Variants in FAM131B observed in about 807,000 individuals in gnomAD.
FAM131B encodes the protein protein FAM131B.
A neutral mutation model predicts 42.0 loss-of-function variants in FAM131B; 19 were observed. The ratio of observed to expected loss-of-function variants is 0.45; its 90% CI spans 0.32 to 0.66. FAM131B has a LOEUF of 0.66. Ranked by LOEUF, FAM131B falls within the 30% of genes least tolerant of loss-of-function variation. The probability of loss-of-function intolerance (pLI) is 0.05; values close to 1 mark genes in which losing one functional copy is unlikely to be tolerated. For missense variants in FAM131B, 370 were observed against 468.4 expected, an observed-to-expected ratio of 0.79 and a Z score of 1.94; for synonymous variants, 183 against 177.6, an observed-to-expected ratio of 1.03 and a Z score of -0.24.
intron 1 of FAM131B, chr7:143,360,400 CAG>C (rs1410067717): frequency 7.4e-7 from 1 of 1,354,198 alleles, no homozygotes; most frequent in East Asian, 3.0e-5. Flanking sequence ...GTGGAGGGGT[CAG>C]AGGTTGGGTT....
Position 143,360,059 on chromosome 7 carries a change from AG to A in FAM131B, c.118del (p.Leu40SerfsTer56). 6.2e-7 allele frequency: 1 copy of A among 1,613,600 alleles called. No homozygotes were observed. The highest frequency in any genetic ancestry group is 8.5e-7 in the Non-Finnish European group (1 of 1,179,652). On this transcript the variant is annotated frameshift_variant, in exon 2 of 7. Transcript: ENST00000443739. LOFTEE classifies it high-confidence loss of function. ...TCTCACCTCAGTCGATGGCCGATGGAGGCTGCTCCCGTGCAGTGAGCTGGTG... is the reference window on the plus strand; with the variant it reads ...TCTCACCTCAGTCGATGGCCGATGGAGCTGCTCCCGTGCAGTGAGCTGGTG... ...DSTSSLHGSS[L>X]HRPSTEQTRT...
rs1412873786 is a variant in FAM131B, at chr7:143,358,963, C to T, written c.330G>A (p.Val110=). The change falls in exon 5 of 7, where the codon GTG becomes GTA. Residue 110 remains valine (V), a synonymous_variant. Coordinates refer to ENST00000443739, the MANE Select transcript of FAM131B (RefSeq NM_001031690.3). This position sits in a 1 kb window ranked among gnomAD's most constrained non-coding sequence, Gnocchi z 4.7. The part of the protein sequence containing the change: ...TKPTAMGQGR[V]AHMIEWQGWG... ...AGCCCTGCCACTCAATCATGTGGGC[C>T]ACCCGGCCTTGCCCCATGGCTGTGG... 3.1e-6 allele frequency: 5 copies of T among 1,614,124 alleles called. No individual in the cohort carries two copies. The highest frequency in any genetic ancestry group is 4.2e-6 in the Non-Finnish European group (5 of 1,180,032).
At chr7:143,365,386 GAGAT>G (rs1478604076), upstream of FAM131B, among the ~76,000 whole-genome samples, 2 of 152,138 alleles carry the variant, frequency 1.3e-5, no homozygotes, top group Non-Finnish European at 2.9e-5. Context: ...CAGAATGAGA[GAGAT>G]AGAGAAAAAA....
the FAM131B span, chr7:143,382,219 G>A: frequency 1.2e-5 from 19 of 1,599,818 alleles, no homozygotes; most frequent in Non-Finnish European, 1.5e-5. Flanking sequence ...GAGGGACCCC[G>A]GCCGACGTCT....
chr7:143,381,316 C>T, the FAM131B span: 3 of 1,120,700 alleles, frequency 2.7e-6, no homozygotes, highest in Non-Finnish European at 3.3e-6. Flanking sequence ...TCCCTCCCCG[C>T]CCGGCTGGAG....
chr7:143,358,769 AG>A lies in FAM131B; in HGVS notation c.466+57del. On this transcript the variant is annotated intron_variant, in intron 5 of 6. Transcript: ENST00000443739. The surrounding 1 kb of genome is among the most constrained non-coding windows in gnomAD (Gnocchi z 4.7). ...ATCCTGCCACAGGGGATCAGGTTGG[AG>A]GGTCGGTCCCTGGCCATCCTGCAAA... is the stretch of plus-strand genomic sequence containing the variant. The A allele has an allele frequency of 7.2e-7, 1 of 1,396,624 alleles. No individual in the cohort carries two copies. The highest frequency in any genetic ancestry group is 1.0e-6 in the Non-Finnish European group (1 of 993,900). 86.5% of individuals were successfully genotyped at this position (1,396,624 alleles called of 1,614,324 possible).
upstream of FAM131B, among the ~76,000 whole-genome samples, chr7:143,365,737 A>G (rs1804165457): frequency 6.6e-6 from 1 of 152,090 alleles, no homozygotes; most frequent in Non-Finnish European, 1.5e-5. Context: ...AGCAGATGGA[A>G]CTACAGACAT....
chr7:143,368,690 T>A, the FAM131B span, among the ~76,000 whole-genome samples: 1 of 152,214 alleles, frequency 6.6e-6, no homozygotes, highest in East Asian at 1.9e-4. Context: ...GTCAGACTTC[T>A]CTATCACCAG....
At position 143,362,460 on chromosome 7, in the gene FAM131B, C is replaced by T; in HGVS notation, c.28+116G>A. The T allele has an allele frequency of 2.6e-6, 1 of 386,744 alleles. No individual in the cohort carries two copies. Among genetic ancestry groups the T allele is most frequent in the Non-Finnish European group, 4.4e-6 (1 of 224,822 alleles). The allele number at this position is 386,744 out of a possible 1,614,324, so 24.0% of individuals were successfully genotyped here. A position where few individuals can be genotyped will look rare whatever the true frequency, so the allele number is the denominator to read the frequency against. On this transcript the variant is annotated intron_variant, in intron 1 of 6. Coordinates refer to ENST00000443739, the MANE Select transcript of FAM131B (RefSeq NM_001031690.3). This position sits in a 1 kb window ranked among gnomAD's most constrained non-coding sequence, Gnocchi z 7.7. Reference sequence around the variant, plus strand: ...GACGGAAGGAAAGTGAAGGAGCTAGCAGGGCAAGGCGGGTGCGGAGCGGGG... The same window carrying T: ...GACGGAAGGAAAGTGAAGGAGCTAGTAGGGCAAGGCGGGTGCGGAGCGGGG...
chr7:143,380,321 G>T, the FAM131B span: 1 of 984,972 alleles, frequency 1.0e-6, no homozygotes, highest in South Asian at 4.7e-5. This position sits in a 1 kb window ranked among gnomAD's most constrained non-coding sequence, Gnocchi z 5.0. Context: ...GAGAAATCCA[G>T]TCTGGCCAGT....
chr7:143,373,091 T>A, the FAM131B span, among the ~76,000 whole-genome samples: 1 of 152,186 alleles, frequency 6.6e-6, no homozygotes, highest in South Asian at 2.1e-4. Context: ...ATTCATTTAT[T>A]TTTACTCTTG....
At chr7:143,381,307 C>T in the FAM131B span, 7 of 1,107,472 alleles carry the variant, frequency 6.3e-6, no homozygotes, top group Non-Finnish European at 6.6e-6. Flanking sequence ...TTCCGTGTGT[C>T]CCTCCCCGCC....
rs1339750815 is a variant in FAM131B at position 143,362,369 on chromosome 7, G to T, written c.28+207C>A. On this transcript the variant is annotated intron_variant, in intron 1 of 6. Transcript: ENST00000443739. The surrounding 1 kb of genome is among the most constrained non-coding windows in gnomAD (Gnocchi z 7.7). ...ACGGGGAGAAGGAAGCGAGCCGAGC[G>T]GGATGGCAGCCCCGGAGGCGCAAGA... is the stretch of plus-strand genomic sequence containing the variant. Among the ~76,000 whole-genome samples, 1 of 152,140 alleles carries T rather than the reference G, an allele frequency of 6.6e-6. No individual in the cohort carries two copies. Among genetic ancestry groups the T allele is most frequent in the Non-Finnish European group, 1.5e-5 (1 of 68,018 alleles).
At chr7:143,365,501 C>T (rs1341621759), upstream of FAM131B, among the ~76,000 whole-genome samples, 2 of 152,186 alleles carry the variant, frequency 1.3e-5, no homozygotes, top group Non-Finnish European at 2.9e-5. Flanking sequence ...ATTCTTCTTG[C>T]ATTGCAGTTG....
At position 143,356,493 on chromosome 7, in the gene FAM131B, TGGGTCACAGCCATGGCCCTCA is replaced by T. The variant is rs1803658562; in HGVS notation, c.*36_*56del. 11 of 1,306,512 alleles carry T rather than the reference TGGGTCACAGCCATGGCCCTCA, an allele frequency of 8.4e-6. No individual in the cohort carries two copies. The highest frequency in any genetic ancestry group is 1.2e-5 in the Non-Finnish European group (11 of 914,710). The allele number at this position is 1,306,512 out of a possible 1,614,324, so 80.9% of individuals were successfully genotyped here. On this transcript the variant is annotated 3_prime_UTR_variant, in exon 7 of 7. Coordinates refer to ENST00000443739, the MANE Select transcript of FAM131B (RefSeq NM_001031690.3). The surrounding 1 kb of genome is among the most constrained non-coding windows in gnomAD (Gnocchi z 4.4). Reference sequence around the variant, plus strand: ...TGTACTGCTGGGGGGAGGGAGGGTATGGGTCACAGCCATGGCCCTCAGGTGGGAGTGGAAGGCAGGGCATTG... The same window carrying T: ...TGTACTGCTGGGGGGAGGGAGGGTATGGTGGGAGTGGAAGGCAGGGCATTG...
At chr7:143,372,062 T>A in the FAM131B span, among the ~76,000 whole-genome samples, 1 of 152,026 alleles carries the variant, frequency 6.6e-6, no homozygotes, top group African/African-American at 2.4e-5. Flanking sequence ...GAGGAGAAGG[T>A]CTAGAAGCCT....
Position 143,358,880 on chromosome 7 carries a change from G to C in FAM131B, c.413C>G (p.Thr138Arg), listed in dbSNP as rs767327628. Reference sequence around the variant, plus strand: ...ATCGCTGAGGTCGGAGTAGGCATCCGTATCCCTGCGCACGGACTCATGGCT... The same window carrying C: ...ATCGCTGAGGTCGGAGTAGGCATCCCTATCCCTGCGCACGGACTCATGGCT... ...QHSHESVRRD[T>R]DAYSDLSDGE... The change falls in exon 5 of 7, where the codon ACG (threonine) becomes AGG (arginine). Residue 138 changes from threonine (T) to arginine (R), a missense_variant. Physicochemically the swap from Thr to Arg is moderately conservative, Grantham distance 71. Transcript: ENST00000443739. The surrounding 1 kb of genome is among the most constrained non-coding windows in gnomAD (Gnocchi z 4.7). 5 of 1,613,940 alleles carry C rather than the reference G, an allele frequency of 3.1e-6. No individual in the cohort carries two copies. In the African/African-American group the frequency reaches 4.0e-5, roughly 13 times the overall value.
rs756420315 is a variant in FAM131B at position 143,359,422 on chromosome 7, G to T, written c.175-3C>A. 6.2e-7 allele frequency: 1 copy of T among 1,610,958 alleles called. No individual in the cohort carries two copies. The highest frequency in any genetic ancestry group is 8.5e-7 in the Non-Finnish European group (1 of 1,177,548). ...GAAGTGGTGTCCTCCATGGAGAGCT[G>T]GGATGGGAATGTGGGAGGAAGGGCA... On this transcript the variant is annotated splice_polypyrimidine_tract_variant and splice_region_variant and intron_variant, in intron 3 of 6. Transcript: ENST00000443739. This position sits in a 1 kb window ranked among gnomAD's most constrained non-coding sequence, Gnocchi z 5.4.
chr7:143,380,980 G>C, the FAM131B span: 1 of 277,876 alleles, frequency 3.6e-6, no homozygotes. The surrounding 1 kb of genome is among the most constrained non-coding windows in gnomAD (Gnocchi z 5.0). Flanking sequence ...TAAGCCCGGA[G>C]GGGGACGGTG....
Sources: gnomAD v4.1 joint callset for allele counts (sites outside exome capture counted in the v4.1 genomes callset) on GRCh38, gnomAD v4.1.1 for gene constraint, Gnocchi (gnomAD v3.1) non-coding constraint, MANE v1.5 for transcripts, NCBI Gene and HGNC (gene_info 2026-07-23, HGNC 2026-07-21) for gene names.